The following PHEX variants were observed in gnomAD, a reference collection of about 807,000 sequenced individuals.
PHEX encodes phosphate-regulating neutral endopeptidase PHEX.
PHEX carries 16 observed loss-of-function variants against 68.0 expected under a neutral mutation model. The observed-to-expected ratio is 0.24, with a 90% CI of 0.16 to 0.36. The LOEUF is 0.36. PHEX is among the 10% of genes least tolerant of loss of function. PHEX has a pLI of 1.00. For missense variants in PHEX, 480 were observed against 575.5 expected (o/e 0.83, Z 1.70); for synonymous variants, 208 against 205.1 (o/e 1.01, Z -0.12).
chrX:22,143,665 A>G (rs1415204640), intron 12 of PHEX, among the ~76,000 whole-genome samples: 3 of 112,348 alleles, frequency 2.7e-5, no homozygotes, highest in Non-Finnish European at 3.8e-5. Flanking sequence ...TCACGCACCA[A>G]TGCGATTTTT....
intron 21 of PHEX, 36 bp downstream of exon 21, chrX:22,245,445 G>A (rs762462948): frequency 2.1e-6 from 2 of 950,214 alleles, no homozygotes; most frequent in Non-Finnish European, 3.0e-6. Context: ...GTTTTTAACT[G>A]TACATCTCCC....
intron 5 of PHEX, among the ~76,000 whole-genome samples, chrX:22,087,708 A>C (rs1187732091): frequency 9.0e-6 from 1 of 111,676 alleles, no homozygotes; most frequent in Non-Finnish European, 1.9e-5. Context: ...TTCAGTTTTT[A>C]TTCAGATATT....
intron 13 of PHEX, among the ~76,000 whole-genome samples, chrX:22,176,931 G>A (rs1569419587): frequency 9.0e-6 from 1 of 111,010 alleles, no homozygotes; most frequent in Non-Finnish European, 1.9e-5. Flanking sequence ...AGCAGTTTGA[G>A]GGACAATTTA....
chrX:22,194,184 T>C (rs1934291729), intron 15 of PHEX, among the ~76,000 whole-genome samples: 1 of 110,921 alleles, frequency 9.0e-6, no homozygotes, highest in Non-Finnish European at 1.9e-5. Context: ...GGGCAGAGGG[T>C]TTTTTTTAAA....
At chrX:22,057,484 C>T (rs1167290804) in intron 3 of PHEX, among the ~76,000 whole-genome samples, 1 of 110,331 alleles carries the variant, frequency 9.1e-6, no homozygotes, top group Non-Finnish European at 1.9e-5. Context: ...CCCAGCTACT[C>T]AGGAGCTGAG....
At chrX:22,211,901 A>T (rs183979661) in intron 15 of PHEX, among the ~76,000 whole-genome samples, 1 of 111,892 alleles carries the variant, frequency 8.9e-6, no homozygotes, top group South Asian at 3.7e-4. Flanking sequence ...ATTGGATCTC[A>T]TGAGACTTAT....
Position 22,161,300 on chromosome X carries a change from C to T in PHEX, c.1405-7012C>T, listed in dbSNP as rs1215050172. ...TGTTAGCTGGGCATGGTGGCACACG[C>T]CTGTGATCCCAGCTACTTGGTAGGC... is the stretch of plus-strand genomic sequence containing the variant. On this transcript the variant is annotated intron_variant, in intron 12 of 21. Transcript: ENST00000379374. Among the ~76,000 whole-genome samples, 3 of 112,180 alleles carry T rather than the reference C, an allele frequency of 2.7e-5. No homozygotes were observed. The Admixed American group carries it at 2.8e-4, about 11-fold the overall frequency.
chrX:22,041,460 T>C (rs1039569701), intron 2 of PHEX, among the ~76,000 whole-genome samples: 4 of 108,797 alleles, frequency 3.7e-5, no homozygotes, highest in African/African-American at 1.3e-4. Context: ...CCTGAGTTAG[T>C]AGCAGAGCTG....
chrX:22,064,090 A>G, intron 3 of PHEX, among the ~76,000 whole-genome samples: 1 of 112,385 alleles, frequency 8.9e-6, no homozygotes. Context: ...TTGGAATTTT[A>G]TTTTGTGTTC....
chrX:22,151,322 A>G (rs1230179403), intron 12 of PHEX, among the ~76,000 whole-genome samples: 2 of 112,235 alleles, frequency 1.8e-5, no homozygotes, highest in African/African-American at 6.5e-5. Flanking sequence ...TTCAGGAGTA[A>G]GGTGCAAGAT....
At chrX:22,182,415 C>G (rs922372355) in intron 14 of PHEX, among the ~76,000 whole-genome samples, 1 of 111,511 alleles carries the variant, frequency 9.0e-6, no homozygotes, top group Admixed American at 9.6e-5. Context: ...CTCCTTCCCC[C>G]AAGCGCAGAG....
At chrX:22,198,125 TA>T (rs1934427733) in intron 15 of PHEX, among the ~76,000 whole-genome samples, 1 of 99,716 alleles carries the variant, frequency 1.0e-5, no homozygotes, top group African/African-American at 4.1e-5. Context: ...ATTATACATA[TA>T]ATATATTATA....
intron 8 of PHEX, chrX:22,097,834 C>A: frequency 3.3e-6 from 1 of 301,412 alleles, no homozygotes; most frequent in East Asian, 2.2e-4. Flanking sequence ...GTGGTGTGAT[C>A]TTGGCTCATT....
At chrX:22,209,906 G>C (rs1934857973) in intron 15 of PHEX, among the ~76,000 whole-genome samples, 1 of 105,402 alleles carries the variant, frequency 9.5e-6, no homozygotes, top group Non-Finnish European at 1.9e-5. Context: ...AACTTTAAAA[G>C]TGTGAAACAG....
chrX:22,096,781 T>C (rs1193283630), intron 7 of PHEX, among the ~76,000 whole-genome samples, 174 bp from the exon 8 acceptor site: 2 of 111,948 alleles, frequency 1.8e-5, no homozygotes, highest in Admixed American at 9.4e-5. Context: ...GAAAGTTTAT[T>C]TTCTTAATCC....
intron 12 of PHEX, among the ~76,000 whole-genome samples, chrX:22,148,913 A>G (rs2147100956): frequency 8.9e-6 from 1 of 111,772 alleles, no homozygotes; most frequent in South Asian, 3.8e-4. Flanking sequence ...TGATGGGGAA[A>G]GGATTCAGCC....
intron 17 of PHEX, among the ~76,000 whole-genome samples, chrX:22,220,140 T>C (rs1325623348): frequency 9.0e-6 from 1 of 111,531 alleles, no homozygotes; most frequent in Non-Finnish European, 1.9e-5. Flanking sequence ...TACGGATTAG[T>C]AGCAAATTAC....
intron 12 of PHEX, among the ~76,000 whole-genome samples, chrX:22,154,650 AC>A (rs1421922507): frequency 9.0e-6 from 1 of 111,164 alleles, no homozygotes; most frequent in Non-Finnish European, 1.9e-5. Context: ...AGGTTGAGAA[AC>A]CCTGCCTTAT....
chrX:22,090,514 T>A lies in PHEX; in HGVS notation c.732+17T>A. On this transcript the variant is annotated intron_variant, in intron 6 of 21. Coordinates refer to ENST00000379374, the MANE Select transcript of PHEX (RefSeq NM_000444.6). ...GCCAAGTCTGTAAGTTTTACTCATATTCAACTATGTGCCTTACCAGGCTGC... is the reference window on the plus strand; with the variant it reads ...GCCAAGTCTGTAAGTTTTACTCATAATCAACTATGTGCCTTACCAGGCTGC... The A allele has an allele frequency of 9.0e-7, 1 of 1,112,116 alleles. No individual in the cohort carries two copies. The highest frequency in any genetic ancestry group is 1.2e-6 in the Non-Finnish European group (1 of 804,397). 91.7% of individuals were successfully genotyped at this position (1,112,116 alleles called of 1,213,427 possible).
Sources: allele counts gnomAD v4.1 joint callset (sites outside exome capture counted in the v4.1 genomes callset), GRCh38; gene constraint gnomAD v4.1.1; transcripts MANE v1.5; gene names NCBI Gene and HGNC (gene_info 2026-07-23, HGNC 2026-07-21).